Variants in PTPN13 observed in about 807,000 individuals in gnomAD.
PTPN13 encodes the protein protein tyrosine phosphatase non-receptor type 13.
Under a neutral mutation model 284.0 loss-of-function variants are expected in PTPN13, and 191 were observed. The ratio of observed to expected loss-of-function variants is 0.67; its 90% CI spans 0.60 to 0.76. The LOEUF (loss-of-function observed/expected upper bound fraction) is 0.76, where lower values mean the gene tolerates loss of function less well. Among genes scored for constraint, PTPN13 ranks in the 30% least tolerant of loss-of-function variants. The pLI is 0.00. For synonymous variants in PTPN13, 986 were observed against 1,022.3 expected, an observed-to-expected ratio of 0.96 and a Z score of 0.68; for missense variants, 2,797 against 2,939.9, an observed-to-expected ratio of 0.95 and a Z score of 1.12.
intron 10 of PTPN13, 51 bp from the exon 11 acceptor site, chr4:86,732,349 A>C: frequency 7.2e-7 from 1 of 1,390,078 alleles, no homozygotes. Flanking sequence ...TTTCAAGGAA[A>C]AAACTAGAAT....
Position 86,691,356 on chromosome 4 carries a change from C to T in PTPN13, c.546+2166C>T, listed in dbSNP as rs72872217. On this transcript the variant is annotated intron_variant, in intron 5 of 47. Coordinates refer to ENST00000411767, the MANE Select transcript of PTPN13 (RefSeq NM_080683.3). ...TGGGAAAGCAGGAATGTTTGGGGAA[C>T]AGTATGACATGGGGTGTATTGTGGG... Among the ~76,000 whole-genome samples the T allele has an allele frequency of 1.3e-3, 197 of 152,048 alleles. 1 individual carries two copies. Among genetic ancestry groups the T allele is most frequent in the African/African-American group, 4.5e-3 (188 of 41,466 alleles).
At chr4:86,751,966 TCTATATATATGCACCTTTTA>T (rs1737442339) in intron 19 of PTPN13, among the ~76,000 whole-genome samples, 1 of 152,054 alleles carries the variant, frequency 6.6e-6, no homozygotes, top group Admixed American at 6.6e-5. Flanking sequence ...TGCATATATA[TCTATATATATGCACCTTTTA>T]AGATGCTTAC....
At chr4:86,765,143 A>T (rs1739150233) in intron 25 of PTPN13, among the ~76,000 whole-genome samples, 2 of 152,256 alleles carry the variant, frequency 1.3e-5, no homozygotes, top group African/African-American at 4.8e-5. Context: ...TCTTAAAATT[A>T]GAAGTTCCCA....
chr4:86,751,686 G>C (rs1737404273), intron 19 of PTPN13, among the ~76,000 whole-genome samples: 2 of 152,052 alleles, frequency 1.3e-5, no homozygotes, highest in Admixed American at 1.3e-4. Flanking sequence ...CATTACTTTG[G>C]ATTACCTTTT....
chr4:86,783,481 A>G (rs748605340), intron 37 of PTPN13, among the ~76,000 whole-genome samples: 29 of 152,076 alleles, frequency 1.9e-4, no homozygotes, highest in Non-Finnish European at 1.5e-5. Flanking sequence ...AACCCTAGAA[A>G]CCAGGACTTT....
At chr4:86,713,576 T>G (rs779644177) in intron 7 of PTPN13, among the ~76,000 whole-genome samples, 1 of 152,132 alleles carries the variant, frequency 6.6e-6, no homozygotes, top group African/African-American at 2.4e-5. Context: ...TTTTCAATTC[T>G]AAAACTCAAT....
chr4:86,724,738 CATCTT>C (rs1734045131), intron 10 of PTPN13, among the ~76,000 whole-genome samples: 1 of 152,032 alleles, frequency 6.6e-6, no homozygotes, highest in Admixed American at 6.6e-5. Context: ...GGTGCAGACA[CATCTT>C]AACTTCTTCA....
chr4:86,623,391 C>G (rs2148670952), intron 1 of PTPN13, among the ~76,000 whole-genome samples: 1 of 152,218 alleles, frequency 6.6e-6, no homozygotes, highest in South Asian at 2.1e-4. Context: ...TCTGGAAACC[C>G]CCTCACAGAC....
intron 1 of PTPN13, among the ~76,000 whole-genome samples, chr4:86,607,164 A>T (rs183498459): frequency 3.9e-5 from 6 of 151,978 alleles, no homozygotes; most frequent in Admixed American, 2.6e-4. Flanking sequence ...TTTTAAAAAA[A>T]GTCTTTAAAT....
At chr4:86,757,791 T>G (rs760902880) in intron 20 of PTPN13, among the ~76,000 whole-genome samples, 1 of 141,622 alleles carries the variant, frequency 7.1e-6, no homozygotes, top group Non-Finnish European at 1.5e-5. Flanking sequence ...CAGTTTCCTC[T>G]TGCTATTTTA....
intron 1 of PTPN13, among the ~76,000 whole-genome samples, chr4:86,608,492 G>T (rs1205194175): frequency 6.6e-6 from 1 of 152,024 alleles, no homozygotes; most frequent in Non-Finnish European, 1.5e-5. Context: ...GCTTTACAAA[G>T]ATGATTAGGT....
intron 43 of PTPN13, among the ~76,000 whole-genome samples, 180 bp downstream of exon 43, chr4:86,804,037 T>C (rs765654808): frequency 6.6e-6 from 1 of 152,208 alleles, no homozygotes; most frequent in Middle Eastern, 3.4e-3. Context: ...TAATAGTGAT[T>C]TAAAGGAATC....
chr4:86,765,308 C>A, intron 25 of PTPN13, 87 bp from the exon 26 acceptor site: 1 of 931,734 alleles, frequency 1.1e-6, no homozygotes, highest in Non-Finnish European at 1.7e-6. Flanking sequence ...ACTGCTTTGG[C>A]TAATGAATCC....
chr4:86,749,555 T>C (rs1737156081), intron 17 of PTPN13, among the ~76,000 whole-genome samples: 1 of 152,218 alleles, frequency 6.6e-6, no homozygotes, highest in South Asian at 2.1e-4. Context: ...TTACATATGC[T>C]GCATTGCTTT....
At chr4:86,705,402 CA>C (rs1175715145) in intron 7 of PTPN13, among the ~76,000 whole-genome samples, 1 of 149,452 alleles carries the variant, frequency 6.7e-6, no homozygotes, top group African/African-American at 2.5e-5. Context: ...AGCTACTATA[CA>C]AAGAAAAAAG....
intron 45 of PTPN13, 69 bp downstream of exon 45, chr4:86,807,966 C>A: frequency 7.6e-7 from 1 of 1,312,938 alleles, no homozygotes; most frequent in Non-Finnish European, 1.1e-6. Flanking sequence ...TGGACTCTTT[C>A]CGTGATTGCA....
intron 37 of PTPN13, among the ~76,000 whole-genome samples, chr4:86,783,069 G>A (rs1193536937): frequency 3.9e-5 from 6 of 152,058 alleles, no homozygotes; most frequent in African/African-American, 1.2e-4. Context: ...TTATTAATCC[G>A]AAAGTCTTAT....
intron 3 of PTPN13, 75 bp from the exon 4 acceptor site, chr4:86,686,635 T>C: frequency 1.1e-6 from 1 of 933,740 alleles, no homozygotes; most frequent in Non-Finnish European, 1.6e-6. Context: ...AACAAAATAA[T>C]CTGTTTTTAT....
Position 86,758,740 on chromosome 4 carries a change from G to A in PTPN13, c.3376G>A (p.Val1126Ile). The A allele has an allele frequency of 1.9e-6, 3 of 1,613,812 alleles. No homozygotes were observed. Among genetic ancestry groups the A allele is most frequent in the Non-Finnish European group, 2.5e-6 (3 of 1,179,762 alleles). The part of the protein sequence containing the change: ...RLDLGIFISS[V>I]APGGPADLDG... The stretch of plus-strand genomic sequence containing the variant: ...GGACCTAGGCATATTTATCAGTTCA[G>A]TTGCCCCTGGAGGACCAGCTGACTT... Residue 1126 changes from valine (V) to isoleucine (I), a missense_variant, in exon 22 of 48, where the codon GTT becomes ATT. Val to Ile is a conservative substitution (Grantham distance 29). Transcript: ENST00000411767.
Sources: gnomAD v4.1 joint callset for allele counts (sites outside exome capture counted in the v4.1 genomes callset) on GRCh38, gnomAD v4.1.1 for gene constraint, MANE v1.5 for transcripts, NCBI Gene and HGNC (gene_info 2026-07-23, HGNC 2026-07-21) for gene names.